ZNF536: variants seen among roughly 807,000 people sequenced by gnomAD.
ZNF536 encodes the protein zinc finger protein 536.
A neutral mutation model predicts 84.5 loss-of-function variants in ZNF536; 13 were observed. The ratio of observed to expected loss-of-function variants is 0.15; its 90% CI spans 0.10 to 0.24. The LOEUF (loss-of-function observed/expected upper bound fraction) is 0.24. ZNF536 is among the 10% of genes least tolerant of loss of function. The pLI is 1.00. For synonymous variants in ZNF536, 811 were observed against 742.5 expected, an observed-to-expected ratio of 1.09 and a Z score of -1.50; for missense variants, 1,536 against 1,747.5, an observed-to-expected ratio of 0.88 and a Z score of 2.16.
intron 1 of ZNF536, among the ~76,000 whole-genome samples, chr19:30,628,079 T>C (rs1486530394): frequency 2.0e-5 from 3 of 152,138 alleles, no homozygotes; most frequent in Non-Finnish European, 4.4e-5. Flanking sequence ...TCCTCCCGGG[T>C]GGAAGGCTTT....
chr19:30,367,970 C>A (rs1415418409), upstream of ZNF536, among the ~76,000 whole-genome samples: 1 of 152,214 alleles, frequency 6.6e-6, no homozygotes, highest in Admixed American at 6.5e-5. Flanking sequence ...GTATCCATTG[C>A]ACAGCTGGAC....
At chr19:30,433,376 A>G (rs1180673621) in intron 1 of ZNF536, among the ~76,000 whole-genome samples, 1 of 152,228 alleles carries the variant, frequency 6.6e-6, no homozygotes, top group African/African-American at 2.4e-5. Context: ...GGTCTTGCTT[A>G]TAGATCTCTA....
At chr19:30,326,237 G>T (rs956943286) in intron 2 of ZNF536, among the ~76,000 whole-genome samples, 1 of 152,218 alleles carries the variant, frequency 6.6e-6, no homozygotes, top group Non-Finnish European at 1.5e-5. Context: ...ATGTCCCAGT[G>T]GTCAGCCCGG....
chr19:30,278,982 C>T (rs1395127960), intron 1 of ZNF536, among the ~76,000 whole-genome samples: 1 of 152,204 alleles, frequency 6.6e-6, no homozygotes, highest in East Asian at 1.9e-4. Flanking sequence ...TTCTCCCACT[C>T]ACTATCCATA....
At chr19:30,563,559 A>AG in intron 1 of ZNF536, among the ~76,000 whole-genome samples, 1 of 152,230 alleles carries the variant, frequency 6.6e-6, no homozygotes, top group Non-Finnish European at 1.5e-5. Context: ...TAAATCACAA[A>AG]GGGAATGTTC....
intron 2 of ZNF536, among the ~76,000 whole-genome samples, chr19:30,306,196 T>G: frequency 6.7e-6 from 1 of 149,530 alleles, no homozygotes; most frequent in South Asian, 2.1e-4. Context: ...GAGAATTTTT[T>G]TTTTTTTTTT....
At chr19:30,350,662 G>A (rs2146705591) in intron 2 of ZNF536, among the ~76,000 whole-genome samples, 1 of 152,302 alleles carries the variant, frequency 6.6e-6, no homozygotes, top group African/African-American at 2.4e-5. Flanking sequence ...ATTTATAAGA[G>A]GAATTGATTG....
At chr19:30,303,990 G>A (rs117344635) in intron 2 of ZNF536, among the ~76,000 whole-genome samples, 1,572 of 152,292 alleles carry the variant, frequency 0.01, 7 homozygotes, top group Non-Finnish European at 0.017. Context: ...CCCCTCAGTC[G>A]ATGGGGATGG....
chr19:30,541,737 G>A (rs2045339894), intron 3 of ZNF536, among the ~76,000 whole-genome samples: 1 of 152,228 alleles, frequency 6.6e-6, no homozygotes, highest in African/African-American at 2.4e-5. Flanking sequence ...CACTGCAGTG[G>A]GTGATATTTC....
Position 30,674,047 on chromosome 19 carries a change from T to C in ZNF536, c.170-36710T>C, listed in dbSNP as rs117454586. ...GATTTATGGGTTTGAGTATATTGCA[T>C]TCATCACAGAAATTAACTTTTGGTG... On this transcript the variant is annotated intron_variant, in intron 1 of 1. Transcript: ENST00000592773. Among the ~76,000 whole-genome samples the C allele has an allele frequency of 4.0e-3, 605 of 152,334 alleles. 5 individuals are homozygous for C. Among genetic ancestry groups the C allele is most frequent in the Non-Finnish European group, 4.5e-3 (308 of 68,028 alleles).
chr19:30,307,678 T>C (rs1165991800), intron 2 of ZNF536, among the ~76,000 whole-genome samples: 1 of 152,182 alleles, frequency 6.6e-6, no homozygotes, highest in Non-Finnish European at 1.5e-5. Flanking sequence ...CTTTTTCTAT[T>C]AAAATACAGT....
At chr19:30,231,818 G>C (rs754540883) in intron 1 of ZNF536, among the ~76,000 whole-genome samples, 7 of 152,110 alleles carry the variant, frequency 4.6e-5, no homozygotes, top group South Asian at 2.1e-4. Flanking sequence ...GTGTGTGTGT[G>C]TGTCTGTCTG....
At chr19:30,358,360 T>C (rs1230092008) in intron 3 of ZNF536, among the ~76,000 whole-genome samples, 1 of 152,160 alleles carries the variant, frequency 6.6e-6, no homozygotes, top group East Asian at 1.9e-4. Context: ...TAGGCCCTCC[T>C]CACCTCCCCC....
At chr19:30,455,441 G>T (rs1024695416) in intron 2 of ZNF536, among the ~76,000 whole-genome samples, 2 of 152,086 alleles carry the variant, frequency 1.3e-5, no homozygotes, top group Non-Finnish European at 2.9e-5. Context: ...AGTGGCTCAT[G>T]CCTGTATTCC....
intron 1 of ZNF536, among the ~76,000 whole-genome samples, chr19:30,394,377 G>A (rs565189659): frequency 6.6e-6 from 1 of 152,142 alleles, no homozygotes; most frequent in South Asian, 2.1e-4. Flanking sequence ...GCATGTGTGG[G>A]TATGTAATTA....
intron 2 of ZNF536, among the ~76,000 whole-genome samples, chr19:30,316,346 C>T (rs572551259): frequency 6.6e-6 from 1 of 152,332 alleles, no homozygotes; most frequent in Admixed American, 6.5e-5. Context: ...GTATCATCTA[C>T]TTGTATGTCC....
intron 2 of ZNF536, among the ~76,000 whole-genome samples, chr19:30,297,909 C>CAA (rs1339771297): frequency 6.8e-6 from 1 of 147,438 alleles, no homozygotes; most frequent in African/African-American, 2.6e-5. Context: ...GGAGTCCCCC[C>CAA]CCCCTCTGTC....
chr19:30,299,618 T>C (rs1253647516), intron 2 of ZNF536, among the ~76,000 whole-genome samples: 2 of 152,158 alleles, frequency 1.3e-5, no homozygotes, highest in African/African-American at 4.8e-5. Context: ...ACTGATGATA[T>C]TGGAATATGG....
intron 1 of ZNF536, among the ~76,000 whole-genome samples, chr19:30,388,680 G>A (rs1021519435): frequency 2.6e-5 from 4 of 152,258 alleles, no homozygotes; most frequent in Non-Finnish European, 5.9e-5. Flanking sequence ...CAAGGCTGTT[G>A]GGAGAAGCTG....
Sources: gnomAD v4.1 joint callset for allele counts (sites outside exome capture counted in the v4.1 genomes callset) on GRCh38, gnomAD v4.1.1 for gene constraint, MANE v1.5 for transcripts, NCBI Gene and HGNC (gene_info 2026-07-23, HGNC 2026-07-21) for gene names.